The following REPS2 variants were observed in gnomAD, a reference collection of about 807,000 sequenced individuals.
The protein encoded by REPS2 is ralBP1-associated Eps domain-containing protein 2.
Under a neutral mutation model 53.6 loss-of-function variants are expected in REPS2, and 23 were observed. That is an observed-to-expected ratio of 0.43 (90% CI 0.31 to 0.61). The LOEUF (loss-of-function observed/expected upper bound fraction) is 0.61. Among genes scored for constraint, REPS2 ranks in the 20% least tolerant of loss-of-function variants. REPS2 has a pLI of 0.11. For synonymous variants in REPS2, 238 were observed against 218.6 expected (o/e 1.09, Z -0.78); for missense variants, 446 against 534.9 (o/e 0.83, Z 1.64).
chrX:17,021,608 A>C lies in REPS2; in HGVS notation c.398-515A>C, dbSNP rs181282184. On this transcript the variant is annotated intron_variant, in intron 2 of 17. Transcript: ENST00000357277. The stretch of plus-strand genomic sequence containing the variant: ...CCTGCATTCAAACCGTGGCTCTGCC[A>C]CAGATGAGTTGTGTGATCCTGGGGA... 5.5e-4 allele frequency among the ~76,000 whole-genome samples: 62 copies of C among 112,937 alleles called. 1 individual carries two copies. Among genetic ancestry groups the C allele is most frequent in the African/African-American group, 1.9e-3 (60 of 31,142 alleles).
At chrX:17,022,504 A>G (rs2061589806) in intron 3 of REPS2, 3 of 263,658 alleles carry the variant, frequency 1.1e-5, no homozygotes, top group Non-Finnish European at 2.0e-5. Context: ...AATTGTGTCT[A>G]AAATAAGGCT....
chrX:17,045,604 A>C (rs974619952), intron 5 of REPS2, among the ~76,000 whole-genome samples: 2 of 107,923 alleles, frequency 1.9e-5, no homozygotes, highest in African/African-American at 6.8e-5. Context: ...TATGAAAATG[A>C]TACATTTATT....
At chrX:17,086,991 G>A (rs2062545953) in intron 13 of REPS2, among the ~76,000 whole-genome samples, 1 of 112,093 alleles carries the variant, frequency 8.9e-6, no homozygotes, top group Non-Finnish European at 1.9e-5. Context: ...TTGTTAGAAG[G>A]GTTTAGAGTT....
intron 2 of REPS2, among the ~76,000 whole-genome samples, chrX:17,009,541 G>A (rs780028805): frequency 1.8e-5 from 2 of 110,297 alleles, no homozygotes; most frequent in South Asian, 7.8e-4. Flanking sequence ...ATCTTCCTGC[G>A]TAGCTGAGAC....
intron 13 of REPS2, among the ~76,000 whole-genome samples, chrX:17,092,494 T>G (rs2062629720): frequency 9.0e-6 from 1 of 111,099 alleles, no homozygotes; most frequent in Admixed American, 9.6e-5. Flanking sequence ...AATGTGGTTT[T>G]CAGGATTGGG....
chrX:16,956,052 A>T (rs954019825), intron 1 of REPS2, among the ~76,000 whole-genome samples: 70 of 111,344 alleles, frequency 6.3e-4, no homozygotes, highest in African/African-American at 2.2e-3. Context: ...TTTTCCTCTT[A>T]ACTAGTAGGA....
At chrX:17,021,430 T>TA (rs1432867765) in intron 2 of REPS2, among the ~76,000 whole-genome samples, 2 of 112,737 alleles carry the variant, frequency 1.8e-5, no homozygotes, top group African/African-American at 6.4e-5. Context: ...TCTGACTTGA[T>TA]ATTGTTTTCC....
intron 1 of REPS2, 133 bp from the exon 2 acceptor site, chrX:17,006,088 G>A: frequency 3.4e-6 from 2 of 593,653 alleles, no homozygotes; most frequent in Non-Finnish European, 5.3e-6. Flanking sequence ...TTGACCAGTG[G>A]GCACACAGAG....
intron 14 of REPS2, among the ~76,000 whole-genome samples, chrX:17,120,033 C>T (rs1014424596): frequency 1.8e-5 from 2 of 110,379 alleles, no homozygotes; most frequent in Non-Finnish European, 3.8e-5. Flanking sequence ...CATGCCACCA[C>T]GTCCGGCTAA....
At chrX:17,006,882 C>T (rs2061368200) in intron 2 of REPS2, among the ~76,000 whole-genome samples, 1 of 111,760 alleles carries the variant, frequency 8.9e-6, no homozygotes, top group Admixed American at 9.5e-5. Flanking sequence ...CTCATCTTGC[C>T]ATCCCTGCCC....
intron 1 of REPS2, among the ~76,000 whole-genome samples, 183 bp downstream of exon 1, chrX:16,947,317 C>T (rs1319855388): frequency 8.9e-6 from 1 of 112,425 alleles, no homozygotes; most frequent in Non-Finnish European, 1.9e-5. Context: ...CAGCCTCCTT[C>T]GCAGCTCAGC....
chrX:16,961,390 A>G (rs1433496308), intron 1 of REPS2, among the ~76,000 whole-genome samples: 1 of 112,202 alleles, frequency 8.9e-6, no homozygotes, highest in Admixed American at 9.5e-5. Flanking sequence ...TCAATAAATG[A>G]TATTGGGAAA....
rs1049877601 is a variant in REPS2 at position 17,078,149 on chromosome X, A to G, written c.1516+742A>G. ...AGGTGATAGGATACGGTGCTGTCCCAAGTGTTATTTTGGGAGCAGCAAGGG... is the reference window on the plus strand; with the variant it reads ...AGGTGATAGGATACGGTGCTGTCCCGAGTGTTATTTTGGGAGCAGCAAGGG... On this transcript the variant is annotated intron_variant, in intron 13 of 17. Coordinates refer to ENST00000357277, the MANE Select transcript of REPS2 (RefSeq NM_004726.3). 2.7e-5 allele frequency among the ~76,000 whole-genome samples: 3 copies of G among 112,359 alleles called. No individual in the cohort carries two copies. In the Admixed American group the frequency reaches 2.8e-4, roughly 10 times the overall value.
the REPS2 span, among the ~76,000 whole-genome samples, chrX:17,164,720 C>G: frequency 9.0e-6 from 1 of 110,836 alleles, no homozygotes; most frequent in Non-Finnish European, 1.9e-5. Context: ...CAGTCAATAA[C>G]CTAATTTTCC....
At chrX:16,965,381 C>T (rs2060743948) in intron 1 of REPS2, among the ~76,000 whole-genome samples, 1 of 113,634 alleles carries the variant, frequency 8.8e-6, no homozygotes, top group Non-Finnish European at 1.9e-5. Flanking sequence ...CCCCACCTCC[C>T]TCCCGGACGA....
At chrX:17,158,806 G>T in the REPS2 span, among the ~76,000 whole-genome samples, 1 of 112,062 alleles carries the variant, frequency 8.9e-6, no homozygotes, top group Admixed American at 9.5e-5. Flanking sequence ...AAACAGGTCT[G>T]CAAGCCAGGT....
At chrX:17,140,210 G>A (rs141992144) in intron 17 of REPS2, among the ~76,000 whole-genome samples, 24 of 110,986 alleles carry the variant, frequency 2.2e-4, no homozygotes, top group African/African-American at 6.9e-4. Context: ...ACTCACACCC[G>A]TCTTGTGGCT....
At chrX:17,014,726 G>A (rs985495408) in intron 2 of REPS2, among the ~76,000 whole-genome samples, 2 of 112,262 alleles carry the variant, frequency 1.8e-5, no homozygotes, top group Non-Finnish European at 3.8e-5. Flanking sequence ...GCAGTCAGGA[G>A]TCAAGAATTT....
At chrX:17,051,174 T>C (rs1321314426) in intron 6 of REPS2, among the ~76,000 whole-genome samples, 1 of 111,724 alleles carries the variant, frequency 9.0e-6, no homozygotes, top group Admixed American at 9.6e-5. Context: ...TCCATGTTGT[T>C]GCAAATGATT....
Sources: gnomAD v4.1 joint callset for allele counts (sites outside exome capture counted in the v4.1 genomes callset) on GRCh38, gnomAD v4.1.1 for gene constraint, MANE v1.5 for transcripts, NCBI Gene and HGNC (gene_info 2026-07-23, HGNC 2026-07-21) for gene names.